The following SPPL2A variants were observed in gnomAD, a reference collection of about 807,000 sequenced individuals.
SPPL2A encodes the protein signal peptide peptidase like 2A, also known as signal peptide peptidase-like 2A.
A neutral mutation model predicts 63.8 loss-of-function variants in SPPL2A; 51 were observed. The ratio of observed to expected loss-of-function variants is 0.80; its 90% CI spans 0.64 to 1.01. The LOEUF is 1.01. SPPL2A is among the 50% of genes least tolerant of loss of function. SPPL2A has a pLI of 0.00. For synonymous variants in SPPL2A, 188 were observed against 205.8 expected, an observed-to-expected ratio of 0.91 and a Z score of 0.74; for missense variants, 553 against 622.7, an observed-to-expected ratio of 0.89 and a Z score of 1.19.
intron 1 of SPPL2A, among the ~76,000 whole-genome samples, chr15:50,754,086 C>A (rs1267756406): frequency 1.3e-5 from 2 of 152,152 alleles, no homozygotes; most frequent in Non-Finnish European, 1.5e-5. Context: ...CGTGAGCCAC[C>A]ATGCCCGGAC....
intron 6 of SPPL2A, among the ~76,000 whole-genome samples, chr15:50,737,124 C>G (rs1001002070): frequency 1.3e-5 from 2 of 152,064 alleles, no homozygotes; most frequent in Non-Finnish European, 2.9e-5. Flanking sequence ...GTTGGCCAGG[C>G]TGGTCTCAAA....
At chr15:50,746,791 C>T (rs1393360708) in intron 5 of SPPL2A, 1 of 151,900 alleles carries the variant, frequency 6.6e-6, no homozygotes, top group Non-Finnish European at 1.5e-5. Flanking sequence ...CCTCAGCCTC[C>T]CAAGTAGCTG....
chr15:50,723,381 C>T (rs1249577764), intron 12 of SPPL2A, among the ~76,000 whole-genome samples: 1 of 152,098 alleles, frequency 6.6e-6, no homozygotes, highest in Non-Finnish European at 1.5e-5. Flanking sequence ...GCATTATTCG[C>T]AATAGCCAAG....
chr15:50,735,475 T>C (rs527498079), intron 8 of SPPL2A, among the ~76,000 whole-genome samples: 7 of 152,024 alleles, frequency 4.6e-5, no homozygotes, highest in East Asian at 3.9e-4. Flanking sequence ...TGTGTGGCTA[T>C]ACCAAAATTA....
chr15:50,736,514 A>T, intron 7 of SPPL2A, 130 bp downstream of exon 7: 1 of 547,944 alleles, frequency 1.8e-6, no homozygotes, highest in Non-Finnish European at 3.2e-6. Flanking sequence ...AATTTTACTT[A>T]AATTTAAATT....
chr15:50,720,502 T>C (rs546684950), intron 13 of SPPL2A, among the ~76,000 whole-genome samples: 1 of 151,406 alleles, frequency 6.6e-6, no homozygotes, highest in African/African-American at 2.4e-5. Flanking sequence ...AATAAGCACA[T>C]ACTTTTGAAC....
chr15:50,740,558 C>T (rs2062812314), intron 5 of SPPL2A, among the ~76,000 whole-genome samples: 1 of 151,746 alleles, frequency 6.6e-6, no homozygotes, highest in Admixed American at 6.6e-5. Context: ...AAAACCAATG[C>T]TTCTTACAAA....
intron 5 of SPPL2A, among the ~76,000 whole-genome samples, chr15:50,743,901 G>A (rs1460202884): frequency 2.0e-5 from 3 of 151,942 alleles, no homozygotes; most frequent in Admixed American, 6.6e-5. Context: ...ATTGCCAGGC[G>A]CAGTGGCTCA....
rs2062548451 is a variant in SPPL2A at position 50,710,588 on chromosome 15, T to TTTGGAA, written c.1489-2720_1489-2715dup. On this transcript the variant is annotated intron_variant, in intron 14 of 14. Coordinates refer to ENST00000261854, the MANE Select transcript of SPPL2A (RefSeq NM_032802.4). ...CATATTTGGAAACAGGAAAGCTTGATTTGGAAAGATGGGCTCTGAAATCAG... is the reference window on the plus strand; with the variant it reads ...CATATTTGGAAACAGGAAAGCTTGATTTGGAATTGGAAAGATGGGCTCTGAAATCAG... Among the ~76,000 whole-genome samples, 3 of 152,318 alleles carry TTTGGAA rather than the reference T, an allele frequency of 2.0e-5. No individual in the cohort carries two copies. The South Asian group carries it at 6.2e-4, about 32-fold the overall frequency.
At chr15:50,763,790 C>T (rs1281077581) in intron 1 of SPPL2A, among the ~76,000 whole-genome samples, 1 of 152,038 alleles carries the variant, frequency 6.6e-6, no homozygotes, top group Non-Finnish European at 1.5e-5. Flanking sequence ...CCCAGCTACT[C>T]GGGAGGCTGA....
At chr15:50,734,782 G>A (rs1204272565) in intron 8 of SPPL2A, among the ~76,000 whole-genome samples, 2 of 152,108 alleles carry the variant, frequency 1.3e-5, no homozygotes, top group Non-Finnish European at 2.9e-5. Context: ...AACACCACAT[G>A]TATCCCGTAA....
intron 6 of SPPL2A, among the ~76,000 whole-genome samples, 167 bp from the exon 7 acceptor site, chr15:50,736,907 GTT>G (rs35812835): frequency 6.6e-6 from 1 of 150,506 alleles, no homozygotes; most frequent in Non-Finnish European, 1.5e-5. Context: ...AGATCGTGAG[GTT>G]TTTTGTTTTT....
chr15:50,721,607 AT>A (rs34462255), intron 13 of SPPL2A, among the ~76,000 whole-genome samples: 37,221 of 143,072 alleles, frequency 0.26, 5,357 homozygotes, highest in East Asian at 0.55. Flanking sequence ...TACAAAAATA[AT>A]TTTTTTTTTT....
At chr15:50,765,229 T>A (rs912094275) in intron 1 of SPPL2A, among the ~76,000 whole-genome samples, 7 of 149,402 alleles carry the variant, frequency 4.7e-5, no homozygotes, top group African/African-American at 1.7e-4. Context: ...TCGCCAGACT[T>A]CAATGGGCGG....
At chr15:50,739,652 G>A (rs772505717) in intron 6 of SPPL2A, 28 bp downstream of exon 6, 1 of 1,480,332 alleles carries the variant, frequency 6.8e-7, no homozygotes, top group South Asian at 1.3e-5. Flanking sequence ...TATGTTAACA[G>A]TAGCAAACAT....
chr15:50,763,164 G>C (rs1018324183), intron 1 of SPPL2A, among the ~76,000 whole-genome samples: 3 of 152,072 alleles, frequency 2.0e-5, no homozygotes, highest in African/African-American at 4.8e-5. Context: ...AATAAACAAA[G>C]GGCTTCAGGG....
chr15:50,721,572 A>T (rs1286677870), intron 13 of SPPL2A, among the ~76,000 whole-genome samples: 1 of 151,130 alleles, frequency 6.6e-6, no homozygotes, highest in Admixed American at 6.6e-5. Flanking sequence ...CTGGGACCAT[A>T]GGCATGACCA....
chr15:50,719,988 G>C lies in SPPL2A; in HGVS notation c.1440C>G (p.Ala480=), dbSNP rs1255103065. The C allele has an allele frequency of 3.7e-6, 6 of 1,613,788 alleles. No individual in the cohort carries two copies. The South Asian group carries it at 6.6e-5, about 18-fold the overall frequency. Residue 480 remains alanine (A), a synonymous_variant, in exon 14 of 15, where the codon GCC becomes GCG. Coordinates refer to ENST00000261854, the MANE Select transcript of SPPL2A (RefSeq NM_032802.4). ...PCTLITASVV[A]WRRKEMKKFW... ...ACTTTTTCATTTCCTTACGTCTCCA[G>C]GCAACAACTGAGGCAGTAATAAGTG...
intron 13 of SPPL2A, among the ~76,000 whole-genome samples, chr15:50,720,675 A>T (rs535396089): frequency 3.4e-4 from 52 of 152,014 alleles, no homozygotes; most frequent in Admixed American, 7.9e-4. Flanking sequence ...ATGTGCCACC[A>T]CGCCTGGCTA....
Sources: gnomAD v4.1 joint callset for allele counts (sites outside exome capture counted in the v4.1 genomes callset) on GRCh38, gnomAD v4.1.1 for gene constraint, MANE v1.5 for transcripts, NCBI Gene and HGNC (gene_info 2026-07-23, HGNC 2026-07-21) for gene names.